The following MAGI2 variants were observed in gnomAD, a reference collection of about 807,000 sequenced individuals.
MAGI2 encodes membrane associated guanylate kinase, WW and PDZ domain containing 2.
Under a neutral mutation model 133.3 loss-of-function variants are expected in MAGI2, and 35 were observed. The ratio of observed to expected loss-of-function variants is 0.26; its 90% confidence interval spans 0.20 to 0.35. MAGI2 has a LOEUF of 0.35. Among genes scored for constraint, MAGI2 ranks in the 10% least tolerant of loss-of-function variants. The pLI is 1.00. For synonymous variants in MAGI2, 729 were observed against 710.6 expected (o/e 1.03, Z -0.41); for missense variants, 1,636 against 1,863.4 (o/e 0.88, Z 2.25).
At chr7:78,316,657 T>C (rs1274556807) in intron 9 of MAGI2, among the ~76,000 whole-genome samples, 3 of 152,232 alleles carry the variant, frequency 2.0e-5, no homozygotes, top group Non-Finnish European at 4.4e-5. Flanking sequence ...AATAAAGTTC[T>C]AGAAAAAGCC....
intron 2 of MAGI2, among the ~76,000 whole-genome samples, chr7:78,692,086 C>T (rs181520814): frequency 6.6e-6 from 1 of 152,116 alleles, no homozygotes; most frequent in African/African-American, 2.4e-5. Flanking sequence ...TTAAAAAAAT[C>T]AGTGGTGGTT....
At chr7:79,119,795 A>G (rs740968) in intron 1 of MAGI2, among the ~76,000 whole-genome samples, 11,824 of 152,002 alleles carry the variant, frequency 0.078, 1,020 homozygotes, top group African/African-American at 0.21. Flanking sequence ...TATCTACAGT[A>G]TGTTATTTAT....
At chr7:79,127,557 T>C (rs9801590) in intron 1 of MAGI2, among the ~76,000 whole-genome samples, 97,882 of 151,814 alleles carry the variant, frequency 0.64, 35,301 homozygotes, top group Non-Finnish European at 0.82. Flanking sequence ...CCAGTGATGA[T>C]GAGCATTTTT....
At chr7:78,261,461 G>A (rs1793509756) in intron 9 of MAGI2, among the ~76,000 whole-genome samples, 1 of 151,914 alleles carries the variant, frequency 6.6e-6, no homozygotes, top group Non-Finnish European at 1.5e-5. Context: ...TTGTTCCTTT[G>A]TGTGAGTTCT....
intron 1 of MAGI2, among the ~76,000 whole-genome samples, chr7:79,367,875 A>ATGTATATATATATATATATATATATATG (rs1554460616): frequency 8.2e-6 from 1 of 122,084 alleles, no homozygotes; most frequent in African/African-American, 3.5e-5. Flanking sequence ...ATATATATAT[A>ATGTATATATATATATATATATATATATG]TGTCATTGAC....
chr7:78,249,239 A>G (rs1222123154), intron 10 of MAGI2, among the ~76,000 whole-genome samples: 2 of 152,126 alleles, frequency 1.3e-5, no homozygotes, highest in Non-Finnish European at 2.9e-5. Context: ...TGTGGAGAAA[A>G]GGGAACCCTT....
At chr7:78,893,773 G>A (rs981013216) in intron 2 of MAGI2, among the ~76,000 whole-genome samples, 11 of 152,206 alleles carry the variant, frequency 7.2e-5, no homozygotes, top group Non-Finnish European at 1.3e-4. Flanking sequence ...TATACCTAAT[G>A]TTAAATGACG....
rs957132609 is a variant in MAGI2, at chr7:79,453,519, C to A, written c.-199G>T. 13 of 1,388,818 alleles carry A rather than the reference C, an allele frequency of 9.4e-6. No homozygotes were observed. The highest frequency in any genetic ancestry group is 2.7e-4 in the Middle Eastern group (1 of 3,772). 86.0% of individuals were successfully genotyped at this position (1,388,818 alleles called of 1,614,324 possible). A position where few individuals can be genotyped will look rare whatever the true frequency, so the allele number is the denominator to read the frequency against. On this transcript the variant is annotated 5_prime_UTR_variant, in exon 1 of 22. Transcript: ENST00000354212. The stretch of plus-strand genomic sequence containing the variant: ...GGGGAGGATGAGAGGGACGGCTGGG[C>A]AGAGGTAGGAGAGCTTGGATGAGGT...
At chr7:78,688,237 T>G (rs1384265019) in intron 2 of MAGI2, among the ~76,000 whole-genome samples, 2 of 152,108 alleles carry the variant, frequency 1.3e-5, no homozygotes, top group African/African-American at 4.8e-5. Context: ...CTATCACCTA[T>G]TTTTTAGCCT....
At chr7:78,973,066 G>T (rs998843208) in intron 2 of MAGI2, among the ~76,000 whole-genome samples, 1 of 151,656 alleles carries the variant, frequency 6.6e-6, no homozygotes, top group Non-Finnish European at 1.5e-5. Context: ...GGTCACTGTT[G>T]CTCTTTATAA....
intron 6 of MAGI2, among the ~76,000 whole-genome samples, chr7:78,408,179 A>G (rs1797559831): frequency 6.6e-6 from 1 of 152,018 alleles, no homozygotes; most frequent in South Asian, 2.1e-4. Context: ...TATATTTATC[A>G]TGTACAAATT....
intron 16 of MAGI2, among the ~76,000 whole-genome samples, chr7:78,142,831 A>G (rs1822899455): frequency 6.6e-6 from 1 of 152,162 alleles, no homozygotes; most frequent in South Asian, 2.1e-4. Flanking sequence ...GAGAATGAAA[A>G]AACATTTCCA....
chr7:78,296,277 C>T lies in MAGI2; in HGVS notation c.1409-39696G>A, dbSNP rs925699724. ...GTCCTACATAAACAGAGGCAATCATCTCTGTAATCTCACCCTAATTCATGT... is the reference window on the plus strand; with the variant it reads ...GTCCTACATAAACAGAGGCAATCATTTCTGTAATCTCACCCTAATTCATGT... On this transcript the variant is annotated intron_variant, in intron 9 of 21. Coordinates refer to ENST00000354212, the MANE Select transcript of MAGI2 (RefSeq NM_012301.4). Among the ~76,000 whole-genome samples, 5 of 152,174 alleles carry T rather than the reference C, an allele frequency of 3.3e-5. No homozygotes were observed. In the East Asian group the frequency reaches 9.6e-4, roughly 29 times the overall value.
intron 21 of MAGI2, among the ~76,000 whole-genome samples, chr7:78,054,657 A>C (rs1563059731): frequency 6.9e-6 from 1 of 144,006 alleles, no homozygotes; most frequent in East Asian, 2.1e-4. Flanking sequence ...ATTTCACTTA[A>C]TTTTTTTTTT....
intron 20 of MAGI2, among the ~76,000 whole-genome samples, chr7:78,115,522 C>T (rs1819776932): frequency 6.6e-6 from 1 of 151,932 alleles, no homozygotes; most frequent in Non-Finnish European, 1.5e-5. Context: ...AAGAGACATA[C>T]CAAAGAAAAC....
At chr7:79,052,640 C>T (rs1355198983) in intron 1 of MAGI2, among the ~76,000 whole-genome samples, 12 of 151,938 alleles carry the variant, frequency 7.9e-5, no homozygotes, top group Admixed American at 6.5e-4. Context: ...AATATGAAAA[C>T]GAATTAATAT....
intron 2 of MAGI2, among the ~76,000 whole-genome samples, chr7:78,961,178 A>G (rs1802804604): frequency 6.6e-6 from 1 of 152,154 alleles, no homozygotes; most frequent in Non-Finnish European, 1.5e-5. Flanking sequence ...TTTTAGCTTC[A>G]GGCAAACTTT....
Position 78,552,176 on chromosome 7 carries a change from CTTTTTTTTTTTTTTT to C in MAGI2, c.539-30546_539-30532del, listed in dbSNP as rs869196799. On this transcript the variant is annotated intron_variant, in intron 3 of 21. Transcript: ENST00000354212. Reference sequence around the variant, plus strand: ...GACTTTTAGGTAGACATTTGTTTTCCTTTTTTTTTTTTTTTTTTTTTTTTGAGACAGAGTTTAACT... The same window carrying C: ...GACTTTTAGGTAGACATTTGTTTTCCTTTTTTTTTGAGACAGAGTTTAACT... 3.2e-3 allele frequency among the ~76,000 whole-genome samples: 291 copies of C among 90,360 alleles called. 1 individual carries two copies. Among genetic ancestry groups the C allele is most frequent in the African/African-American group, 0.012 (275 of 22,472 alleles). 59.3% of individuals were successfully genotyped at this position (90,360 alleles called of 152,430 possible).
chr7:78,989,004 G>A (rs1226940908), intron 2 of MAGI2, among the ~76,000 whole-genome samples: 1 of 152,078 alleles, frequency 6.6e-6, no homozygotes, highest in Non-Finnish European at 1.5e-5. Flanking sequence ...CTGTAGTAAT[G>A]TATATGCAGA....
Sources: gnomAD v4.1 joint callset for allele counts (sites outside exome capture counted in the v4.1 genomes callset) on GRCh38, gnomAD v4.1.1 for gene constraint, MANE v1.5 for transcripts, NCBI Gene and HGNC (gene_info 2026-07-23, HGNC 2026-07-21) for gene names.